Variants in EYS observed in about 807,000 individuals in gnomAD.
The protein encoded by EYS is EGF-like photoreceptor maintenance factor, also known as protein eyes shut homolog.
A neutral mutation model predicts 282.1 loss-of-function variants in EYS; 250 were observed. The observed-to-expected ratio is 0.89, with a 90% CI of 0.80 to 0.98. The LOEUF is 0.98. Ranked by LOEUF, EYS falls within the 50% of genes least tolerant of loss-of-function variation. The pLI is 0.00. For missense variants in EYS, 4,016 were observed against 3,709.0 expected (o/e 1.08, Z -2.15); for synonymous variants, 1,355 against 1,282.9 (o/e 1.06, Z -1.20).
intron 5 of EYS, among the ~76,000 whole-genome samples, chr6:65,429,036 C>T (rs1355021293): frequency 4.6e-5 from 7 of 151,922 alleles, no homozygotes; most frequent in Admixed American, 1.3e-4. Context: ...CAAAATTAGC[C>T]GGGCATGGTG....
chr6:64,451,289 C>T, intron 26 of EYS, among the ~76,000 whole-genome samples: 1 of 152,306 alleles, frequency 6.6e-6, no homozygotes, highest in Admixed American at 6.5e-5. Context: ...GACACACACA[C>T]TCTCCCAAGA....
intron 2 of EYS, among the ~76,000 whole-genome samples, chr6:65,634,882 A>G (rs1767033422): frequency 6.6e-6 from 1 of 152,184 alleles, no homozygotes; most frequent in African/African-American, 2.4e-5. Context: ...TGAGTCTAAC[A>G]TCTGGATAAA....
chr6:64,857,277 C>A (rs531894558), intron 19 of EYS, among the ~76,000 whole-genome samples: 1 of 152,254 alleles, frequency 6.6e-6, no homozygotes, highest in South Asian at 2.1e-4. Context: ...TTTTTTAAAT[C>A]CCTCTCTCCT....
intron 12 of EYS, among the ~76,000 whole-genome samples, chr6:65,255,591 AAG>A (rs1767438968): frequency 6.6e-6 from 1 of 152,032 alleles, no homozygotes; most frequent in Non-Finnish European, 1.5e-5. Flanking sequence ...GAATGGAAAA[AAG>A]TATTTGCAAA....
intron 31 of EYS, among the ~76,000 whole-genome samples, chr6:64,139,884 C>T (rs1024185309): frequency 1.3e-5 from 2 of 151,728 alleles, no homozygotes; most frequent in Admixed American, 1.3e-4. Flanking sequence ...CAGAGAATTG[C>T]TTGAACCTGG....
At chr6:65,214,022 G>A (rs1441910295) in intron 12 of EYS, among the ~76,000 whole-genome samples, 1 of 151,808 alleles carries the variant, frequency 6.6e-6, no homozygotes, top group African/African-American at 2.4e-5. Flanking sequence ...AGCTGGGCAT[G>A]GTGGCGGGTG....
intron 11 of EYS, among the ~76,000 whole-genome samples, chr6:65,324,571 C>T (rs189398188): frequency 1.3e-5 from 2 of 152,192 alleles, no homozygotes; most frequent in East Asian, 1.9e-4. Flanking sequence ...AGTCCTTCCT[C>T]GGAAGATCAC....
At chr6:64,618,177 A>G (rs1394829009) in intron 23 of EYS, among the ~76,000 whole-genome samples, 1 of 152,176 alleles carries the variant, frequency 6.6e-6, no homozygotes, top group Non-Finnish European at 1.5e-5. Flanking sequence ...TTTGCTAGTC[A>G]AACATTTTAT....
At chr6:64,164,748 C>T (rs1410287608) in intron 31 of EYS, among the ~76,000 whole-genome samples, 1 of 152,080 alleles carries the variant, frequency 6.6e-6, no homozygotes, top group African/African-American at 2.4e-5. Context: ...TAAAATGGAA[C>T]AACAATATAT....
intron 29 of EYS, among the ~76,000 whole-genome samples, chr6:64,373,738 CAAAAG>C (rs940575060): frequency 1.3e-5 from 2 of 152,084 alleles, no homozygotes; most frequent in African/African-American, 2.4e-5. Context: ...CCTCCAGGGA[CAAAAG>C]AAGTCTATGC....
chr6:63,999,742 A>G (rs1321184612), intron 33 of EYS, among the ~76,000 whole-genome samples: 1 of 152,220 alleles, frequency 6.6e-6, no homozygotes, highest in African/African-American at 2.4e-5. Context: ...AGATAAAAGC[A>G]TAAGGTTAAG....
chr6:65,394,437 C>T (rs758806685), intron 7 of EYS, among the ~76,000 whole-genome samples: 2 of 151,988 alleles, frequency 1.3e-5, no homozygotes, highest in Admixed American at 6.6e-5. Flanking sequence ...GATCAGAGAC[C>T]CTAGGAAGCA....
chr6:65,629,275 C>T (rs1428497631), intron 2 of EYS, among the ~76,000 whole-genome samples: 1 of 152,128 alleles, frequency 6.6e-6, no homozygotes, highest in Non-Finnish European at 1.5e-5. Context: ...ATGACACACA[C>T]ACAAAAGACT....
rs551927449 is a variant in EYS at position 65,240,734 on chromosome 6, G to A, written c.2023+55129C>T. Among the ~76,000 whole-genome samples the A allele has an allele frequency of 5.9e-5, 9 of 152,260 alleles. No individual in the cohort carries two copies. The East Asian group carries it at 1.7e-3, about 29-fold the overall frequency. On this transcript the variant is annotated intron_variant, in intron 12 of 42. Coordinates refer to ENST00000503581, the MANE Select transcript of EYS (RefSeq NM_001142800.2). ...TGTATTTGTTGTTGTGAATAGTGCT[G>A]CAATGAACATACAATTGCATGTGTC...
intron 2 of EYS, among the ~76,000 whole-genome samples, chr6:65,615,370 A>T (rs1766148347): frequency 6.9e-6 from 1 of 144,336 alleles, no homozygotes; most frequent in Non-Finnish European, 1.5e-5. Context: ...TTCAAAACCG[A>T]GTTCATTTTA....
chr6:64,105,416 G>A (rs1269901095), intron 31 of EYS, among the ~76,000 whole-genome samples: 2 of 151,992 alleles, frequency 1.3e-5, no homozygotes, highest in Non-Finnish European at 2.9e-5. Flanking sequence ...ATCTCACATG[G>A]ATTGTTACAA....
chr6:65,033,106 A>C (rs1772655150), intron 13 of EYS, among the ~76,000 whole-genome samples: 1 of 152,190 alleles, frequency 6.6e-6, no homozygotes, highest in Non-Finnish European at 1.5e-5. Flanking sequence ...TACCTGGCAG[A>C]GGAAATTTCT....
intron 19 of EYS, among the ~76,000 whole-genome samples, chr6:64,856,026 T>C (rs1766046818): frequency 1.4e-5 from 2 of 147,228 alleles, no homozygotes; most frequent in Admixed American, 1.4e-4. Context: ...ATAGGATGTG[T>C]TGGGCTTCCA....
At chr6:65,449,867 T>C (rs1003758463) in intron 5 of EYS, among the ~76,000 whole-genome samples, 13 of 152,032 alleles carry the variant, frequency 8.6e-5, no homozygotes, top group Non-Finnish European at 1.5e-4. Context: ...TCCTGGTTTT[T>C]ATTACAACCT....
Sources: allele counts gnomAD v4.1 joint callset (sites outside exome capture counted in the v4.1 genomes callset), GRCh38; gene constraint gnomAD v4.1.1; transcripts MANE v1.5; gene names NCBI Gene and HGNC (gene_info 2026-07-23, HGNC 2026-07-21).